Variants in BAALC observed in about 807,000 individuals in gnomAD.
BAALC encodes the protein BAALC binder of MAP3K1 and KLF4, also known as brain and acute leukemia cytoplasmic protein.
In BAALC, 9 loss-of-function variants were observed where a neutral mutation model predicts 15.5. The observed-to-expected ratio is 0.58, with a 90% CI of 0.35 to 1.02. The LOEUF (loss-of-function observed/expected upper bound fraction) is 1.02, where lower values mean the gene tolerates loss of function less well. Among genes scored for constraint, BAALC ranks in the 50% least tolerant of loss-of-function variants. BAALC has a pLI of 0.02. For missense variants in BAALC, 201 were observed against 192.4 expected, an observed-to-expected ratio of 1.04 and a Z score of -0.27; for synonymous variants, 80 against 74.6, an observed-to-expected ratio of 1.07 and a Z score of -0.37.
At chr8:103,178,634 G>A (rs544450693) in intron 1 of BAALC, among the ~76,000 whole-genome samples, 54 of 152,226 alleles carry the variant, frequency 3.5e-4, no homozygotes, top group African/African-American at 7.0e-4. Flanking sequence ...TGAGGTGGGC[G>A]GATCACAAGG....
chr8:103,195,579 C>T (rs911360669), intron 1 of BAALC, among the ~76,000 whole-genome samples: 5 of 152,136 alleles, frequency 3.3e-5, no homozygotes, highest in African/African-American at 9.7e-5. Context: ...GTGGCTGGCA[C>T]CCTATGACAA....
At chr8:103,183,270 A>G in intron 1 of BAALC, 1 of 688,222 alleles carries the variant, frequency 1.5e-6, no homozygotes, top group Non-Finnish European at 2.7e-6. Flanking sequence ...CAGAATCCCA[A>G]AGATGATGGG....
chr8:103,214,119 C>T (rs1190477935), intron 2 of BAALC, among the ~76,000 whole-genome samples: 2 of 152,152 alleles, frequency 1.3e-5, no homozygotes, highest in Non-Finnish European at 2.9e-5. Context: ...CATGGCTCTT[C>T]ACAGGATTCA....
At chr8:103,144,395 A>G (rs898582072) in intron 1 of BAALC, among the ~76,000 whole-genome samples, 1 of 152,242 alleles carries the variant, frequency 6.6e-6, no homozygotes, top group African/African-American at 2.4e-5. Flanking sequence ...AAGCCAAGGT[A>G]TGTGATATCC....
chr8:103,177,836 A>G (rs1306416953), intron 1 of BAALC, among the ~76,000 whole-genome samples: 2 of 152,242 alleles, frequency 1.3e-5, no homozygotes, highest in African/African-American at 4.8e-5. Flanking sequence ...ATTGTAATTT[A>G]TATGTGCCAT....
intron 1 of BAALC, among the ~76,000 whole-genome samples, chr8:103,154,350 C>T (rs533086304): frequency 1.1e-4 from 16 of 152,094 alleles, no homozygotes; most frequent in African/African-American, 3.9e-4. Flanking sequence ...TGTACACCAG[C>T]CCCTTCATGG....
chr8:103,195,312 G>A (rs1005478806), intron 1 of BAALC, among the ~76,000 whole-genome samples: 9 of 152,114 alleles, frequency 5.9e-5, no homozygotes, highest in African/African-American at 4.8e-5. Flanking sequence ...TGAGTTCAGC[G>A]TGATCTTTAC....
intron 1 of BAALC, among the ~76,000 whole-genome samples, chr8:103,207,879 G>A (rs1205227123): frequency 2.0e-5 from 3 of 152,204 alleles, no homozygotes; most frequent in African/African-American, 7.2e-5. Flanking sequence ...TAGAAAATAT[G>A]AGTTAAATAA....
At chr8:103,152,041 C>G (rs966952429) in intron 1 of BAALC, among the ~76,000 whole-genome samples, 2 of 152,114 alleles carry the variant, frequency 1.3e-5, no homozygotes, top group African/African-American at 4.8e-5. Flanking sequence ...TCTGCCATAG[C>G]CTGCTTCCAT....
intron 1 of BAALC, among the ~76,000 whole-genome samples, chr8:103,161,304 A>G (rs189169645): frequency 6.6e-6 from 1 of 151,946 alleles, no homozygotes; most frequent in Non-Finnish European, 1.5e-5. Flanking sequence ...ATAAGCAAAC[A>G]TATGCACACA....
intron 1 of BAALC, among the ~76,000 whole-genome samples, chr8:103,150,110 CAAGAG>C (rs1810952704): frequency 6.6e-6 from 1 of 152,142 alleles, no homozygotes; most frequent in South Asian, 2.1e-4. Flanking sequence ...TGGCAGCAGA[CAAGAG>C]AAGAGAGCTT....
At chr8:103,178,550 T>C (rs991692138) in intron 1 of BAALC, among the ~76,000 whole-genome samples, 2 of 152,126 alleles carry the variant, frequency 1.3e-5, no homozygotes, top group African/African-American at 4.8e-5. Context: ...AATCTATAGA[T>C]GATTTTGAAA....
intron 1 of BAALC, among the ~76,000 whole-genome samples, chr8:103,189,457 G>C (rs1279892437): frequency 6.6e-6 from 1 of 152,220 alleles, no homozygotes; most frequent in Admixed American, 6.5e-5. Flanking sequence ...AGCAGAGACA[G>C]CTGAGCAAAG....
intron 1 of BAALC, among the ~76,000 whole-genome samples, chr8:103,157,832 A>G (rs961857048): frequency 3.9e-5 from 6 of 152,252 alleles, no homozygotes; most frequent in Admixed American, 3.9e-4. Context: ...AAAAGTAAAA[A>G]GATATTGGAT....
chr8:103,160,105 T>C (rs1811188562), intron 1 of BAALC, among the ~76,000 whole-genome samples: 2 of 152,150 alleles, frequency 1.3e-5, no homozygotes, highest in Non-Finnish European at 2.9e-5. Context: ...TATGTAACAG[T>C]ATTGTTAACA....
At chr8:103,194,580 A>G (rs1174153006) in intron 1 of BAALC, among the ~76,000 whole-genome samples, 1 of 152,214 alleles carries the variant, frequency 6.6e-6, no homozygotes, top group East Asian at 1.9e-4. Flanking sequence ...AGTATAATAA[A>G]AGGTCAGATT....
intron 2 of BAALC, among the ~76,000 whole-genome samples, chr8:103,218,731 G>C (rs546814706): frequency 1.3e-5 from 2 of 152,290 alleles, no homozygotes; most frequent in South Asian, 4.2e-4. Context: ...AAAGTGACTG[G>C]ACCGTGCTAA....
chr8:103,177,292 C>T (rs745915427), intron 1 of BAALC, among the ~76,000 whole-genome samples: 38 of 151,876 alleles, frequency 2.5e-4, no homozygotes, highest in Non-Finnish European at 4.9e-4. Flanking sequence ...CCAAGTGATC[C>T]TCCCACTTCA....
chr8:103,172,391 C>CTTTTTT (rs36037103), intron 1 of BAALC, among the ~76,000 whole-genome samples: 6 of 100,136 alleles, frequency 6.0e-5, no homozygotes, highest in South Asian at 3.6e-4. Flanking sequence ...TTCTGGCTTG[C>CTTTTTT]TTTTTTTTTT....
Sources: gnomAD v4.1 joint callset for allele counts (sites outside exome capture counted in the v4.1 genomes callset) on GRCh38, gnomAD v4.1.1 for gene constraint, MANE v1.5 for transcripts, NCBI Gene and HGNC (gene_info 2026-07-23, HGNC 2026-07-21) for gene names.